FAM174A: variants seen among roughly 807,000 people sequenced by gnomAD.
The protein encoded by FAM174A is membrane protein FAM174A.
FAM174A carries 14 observed loss-of-function variants against 14.3 expected under a neutral mutation model. That is an observed-to-expected ratio of 0.98 (90% CI 0.65 to 1.53). FAM174A has a LOEUF of 1.53. FAM174A is among the 40% of genes most tolerant of loss of function. The pLI is 0.00. For missense variants in FAM174A, 241 were observed against 249.6 expected (o/e 0.97, Z 0.23); for synonymous variants, 108 against 111.4 (o/e 0.97, Z 0.19).
intron 2 of FAM174A, among the ~76,000 whole-genome samples, chr5:100,565,111 A>G (rs1297251989): frequency 6.6e-6 from 1 of 151,912 alleles, no homozygotes; most frequent in East Asian, 1.9e-4. Flanking sequence ...AAAGTCCTCA[A>G]TAAAATGCTA....
At chr5:100,544,932 G>A (rs1431890790) in intron 1 of FAM174A, among the ~76,000 whole-genome samples, 4 of 152,188 alleles carry the variant, frequency 2.6e-5, no homozygotes, top group African/African-American at 9.7e-5. Context: ...GCAATGCTCA[G>A]GTGGTATCTA....
intron 1 of FAM174A, among the ~76,000 whole-genome samples, chr5:100,541,547 A>G (rs547415328): frequency 2.3e-4 from 35 of 152,088 alleles, no homozygotes; most frequent in Non-Finnish European, 4.4e-4. Flanking sequence ...GGTCCATTTA[A>G]GAATGAACTA....
intron 2 of FAM174A, among the ~76,000 whole-genome samples, chr5:100,567,273 T>C (rs1441254062): frequency 6.6e-6 from 1 of 151,720 alleles, no homozygotes; most frequent in African/African-American, 2.4e-5. Context: ...ATTTACCTAT[T>C]CATTAATTTA....
At chr5:100,572,619 A>T (rs10069653) in intron 2 of FAM174A, among the ~76,000 whole-genome samples, 21,148 of 151,462 alleles carry the variant, frequency 0.14, 3,098 homozygotes, top group African/African-American at 0.38. Context: ...CCATGGTGTA[A>T]ATGTGCCACA....
At chr5:100,564,021 G>A (rs930813386) in intron 2 of FAM174A, among the ~76,000 whole-genome samples, 5 of 151,726 alleles carry the variant, frequency 3.3e-5, no homozygotes, top group Non-Finnish European at 2.9e-5. Flanking sequence ...CTTGCAAAAT[G>A]TGGTTGTTTT....
intron 1 of FAM174A, among the ~76,000 whole-genome samples, chr5:100,549,138 A>G (rs1746215645): frequency 6.6e-6 from 1 of 152,138 alleles, no homozygotes; most frequent in Admixed American, 6.6e-5. Flanking sequence ...TAAGGGGAAT[A>G]AAAGGAGATT....
intron 2 of FAM174A, among the ~76,000 whole-genome samples, chr5:100,582,815 G>A (rs1747048208): frequency 6.6e-6 from 1 of 152,014 alleles, no homozygotes; most frequent in Admixed American, 6.6e-5. Context: ...CATTTCTGAA[G>A]GTTAGAAATA....
Position 100,535,423 on chromosome 5 carries a change from T to G in FAM174A, c.-108T>G. ...CACCTGCCACGACCGGGCCTCTCCC[T>G]GGCGTTTGGTCACCTCTGCTTCATT... On this transcript the variant is annotated 5_prime_UTR_variant, in exon 1 of 3. Coordinates refer to ENST00000312637, the MANE Select transcript of FAM174A (RefSeq NM_198507.3). 1 of 1,223,402 alleles carries G rather than the reference T, an allele frequency of 8.2e-7. No individual in the cohort carries two copies. The highest frequency in any genetic ancestry group is 1.2e-6 in the Non-Finnish European group (1 of 865,206). 75.8% of individuals were successfully genotyped at this position (1,223,402 alleles called of 1,614,324 possible).
chr5:100,553,192 C>G (rs973034078), intron 1 of FAM174A, among the ~76,000 whole-genome samples: 9 of 151,978 alleles, frequency 5.9e-5, no homozygotes, highest in Non-Finnish European at 1.3e-4. Flanking sequence ...GATATTAAAG[C>G]TCTGCTTTTT....
intron 1 of FAM174A, among the ~76,000 whole-genome samples, chr5:100,554,895 A>AT (rs907640659): frequency 9.9e-5 from 15 of 151,256 alleles, no homozygotes; most frequent in East Asian, 7.8e-4. Context: ...ATACTATCTA[A>AT]TTTTTTTTTA....
intron 2 of FAM174A, among the ~76,000 whole-genome samples, chr5:100,567,104 G>A (rs1746671268): frequency 6.6e-6 from 1 of 151,778 alleles, no homozygotes; most frequent in Non-Finnish European, 1.5e-5. Flanking sequence ...TTTCGAAAGT[G>A]AAAGAACAAG....
intron 1 of FAM174A, among the ~76,000 whole-genome samples, chr5:100,536,935 A>C (rs1745953227): frequency 2.6e-5 from 4 of 152,224 alleles, no homozygotes; most frequent in African/African-American, 4.8e-5. Context: ...CACAGGTGGG[A>C]GTTTCACTTA....
intron 2 of FAM174A, among the ~76,000 whole-genome samples, chr5:100,565,672 G>C (rs1452244630): frequency 1.3e-5 from 2 of 151,784 alleles, no homozygotes; most frequent in Non-Finnish European, 2.9e-5. Context: ...ATTACATAGA[G>C]AGATCTGCAC....
chr5:100,566,141 G>GATAGATATATAGATATATATATAT (rs558236562), intron 2 of FAM174A, among the ~76,000 whole-genome samples: 1 of 81,810 alleles, frequency 1.2e-5, no homozygotes, highest in African/African-American at 4.1e-5. Context: ...TGAAAAGTAT[G>GATAGATATATAGATATATATATAT]ATATATATAT....
chr5:100,565,718 A>G (rs894053331), intron 2 of FAM174A, among the ~76,000 whole-genome samples: 6 of 151,888 alleles, frequency 4.0e-5, no homozygotes, highest in Non-Finnish European at 8.8e-5. Flanking sequence ...ATATTAATCA[A>G]GCTGTGGAAA....
At chr5:100,566,461 G>A (rs771252989) in intron 2 of FAM174A, among the ~76,000 whole-genome samples, 2 of 151,542 alleles carry the variant, frequency 1.3e-5, no homozygotes, top group Non-Finnish European at 2.9e-5. Flanking sequence ...TGCAAAATGA[G>A]TAAGTTCATT....
chr5:100,564,842 A>G (rs1343076993), intron 2 of FAM174A, among the ~76,000 whole-genome samples: 1 of 151,912 alleles, frequency 6.6e-6, no homozygotes, highest in Non-Finnish European at 1.5e-5. Context: ...TTCGAAGTCC[A>G]AACAGACAAG....
At chr5:100,548,228 T>G (rs991638682) in intron 1 of FAM174A, among the ~76,000 whole-genome samples, 3 of 152,112 alleles carry the variant, frequency 2.0e-5, no homozygotes, top group African/African-American at 4.8e-5. Context: ...TCCTTAGGGC[T>G]GGGCTCAATT....
At chr5:100,562,332 C>A in intron 2 of FAM174A, 144 bp downstream of exon 2, 1 of 646,766 alleles carries the variant, frequency 1.5e-6, no homozygotes, top group Non-Finnish European at 2.5e-6. Flanking sequence ...TTTTTGCTAT[C>A]TACCCCATAG....
Sources: gnomAD v4.1 joint callset for allele counts (sites outside exome capture counted in the v4.1 genomes callset) on GRCh38, gnomAD v4.1.1 for gene constraint, MANE v1.5 for transcripts, NCBI Gene and HGNC (gene_info 2026-07-23, HGNC 2026-07-21) for gene names.